ASIC2: variants seen among roughly 807,000 people sequenced by gnomAD.
ASIC2 encodes acid sensing ion channel subunit 2.
Under a neutral mutation model 57.3 loss-of-function variants are expected in ASIC2, and 25 were observed. The observed-to-expected ratio is 0.44, with a 90% CI of 0.32 to 0.61. ASIC2 has a LOEUF of 0.61. ASIC2 is among the 20% of genes least tolerant of loss of function. The pLI is 0.06. For missense variants in ASIC2, 641 were observed against 738.1 expected (o/e 0.87, Z 1.52); for synonymous variants, 319 against 307.5 (o/e 1.04, Z -0.39).
rs771624171 is a variant in ASIC2, at chr17:33,898,220, C to CTTTTTTTTTTTT, written c.555+257746_555+257757dup. On this transcript the variant is annotated intron_variant, in intron 1 of 9. Coordinates refer to the ASIC2 transcript ENST00000359872. ...AAACTGCCCAGAGTTCATGTATAATCTTTTTTTTTTTTTTTTTTTTTTTTT... is the reference window on the plus strand; with the variant it reads ...AAACTGCCCAGAGTTCATGTATAATCTTTTTTTTTTTTTTTTTTTTTTTTTTTTTTTTTTTTT... Among the ~76,000 whole-genome samples, 204 of 66,178 alleles carry CTTTTTTTTTTTT rather than the reference C, an allele frequency of 3.1e-3. 52 individuals are homozygous for CTTTTTTTTTTTT. The highest frequency in any genetic ancestry group is 3.7e-3 in the Non-Finnish European group (133 of 36,088). 43.4% of individuals were successfully genotyped at this position (66,178 alleles called of 152,430 possible).
chr17:33,053,287 A>G (rs1375883259), intron 3 of ASIC2, among the ~76,000 whole-genome samples: 1 of 152,238 alleles, frequency 6.6e-6, no homozygotes, highest in Non-Finnish European at 1.5e-5. Context: ...ACTACATAGC[A>G]CATTGCAATT....
intron 1 of ASIC2, among the ~76,000 whole-genome samples, chr17:33,196,675 A>G (rs2142073726): frequency 6.6e-6 from 1 of 152,368 alleles, no homozygotes; most frequent in African/African-American, 2.4e-5. Flanking sequence ...GCCTCATGTC[A>G]GGAACAGCTC....
In ASIC2 at chr17:33,592,671, G is replaced by A. The variant is rs971667466; in HGVS notation, c.556-480604C>T. On this transcript the variant is annotated intron_variant, in intron 1 of 9. Coordinates refer to the ASIC2 transcript ENST00000359872. ...ATGGGTGTAGATAGGACTGGACTGC[G>A]AGCAGGAAATCTCTACCCCGGACCA... Among the ~76,000 whole-genome samples, 4 of 152,194 alleles carry A rather than the reference G, an allele frequency of 2.6e-5. No homozygotes were observed. In the South Asian group the frequency reaches 6.2e-4, roughly 24 times the overall value.
At chr17:33,920,025 T>C (rs1915674250) in intron 1 of ASIC2, among the ~76,000 whole-genome samples, 1 of 152,154 alleles carries the variant, frequency 6.6e-6, no homozygotes, top group Admixed American at 6.5e-5. Flanking sequence ...AAACAACAGA[T>C]GCTGGTGAAG....
chr17:33,186,581 T>C (rs909945898), intron 1 of ASIC2, among the ~76,000 whole-genome samples: 2 of 152,194 alleles, frequency 1.3e-5, no homozygotes, highest in African/African-American at 4.8e-5. Flanking sequence ...CAGAGACAAC[T>C]TGCAACATCA....
At chr17:34,106,103 T>C (rs1315882173) in intron 1 of ASIC2, among the ~76,000 whole-genome samples, 1 of 152,058 alleles carries the variant, frequency 6.6e-6, no homozygotes, top group Non-Finnish European at 1.5e-5. Flanking sequence ...TTTTGAAAAA[T>C]ACAGCCCTAC....
intron 1 of ASIC2, among the ~76,000 whole-genome samples, chr17:34,112,722 T>C (rs1022132627): frequency 1.3e-5 from 2 of 151,966 alleles, no homozygotes; most frequent in African/African-American, 4.8e-5. Context: ...GGCTGGGTAG[T>C]GATGCTCCCT....
chr17:33,071,314 A>T (rs551136091), intron 3 of ASIC2, among the ~76,000 whole-genome samples: 2 of 152,132 alleles, frequency 1.3e-5, no homozygotes, highest in Non-Finnish European at 2.9e-5. Flanking sequence ...ATTTCATTTC[A>T]ATCTCCTCAA....
At chr17:33,391,838 C>A (rs1289853111) in intron 1 of ASIC2, among the ~76,000 whole-genome samples, 1 of 152,176 alleles carries the variant, frequency 6.6e-6, no homozygotes, top group Admixed American at 6.5e-5. Flanking sequence ...CTTATTTAAT[C>A]CTTCCAAGAA....
chr17:34,099,102 AAGAGAGAGAGAGAGAGAG>A (rs74200841), intron 1 of ASIC2, among the ~76,000 whole-genome samples: 1 of 81,186 alleles, frequency 1.2e-5, no homozygotes, highest in East Asian at 3.4e-4. Context: ...TAAGAGAGAA[AAGAGAGAGAGAGAGAGAG>A]AGAGAGAGAG....
chr17:33,017,795 C>CGCCATT, intron 7 of ASIC2, 111 bp from the exon 8 acceptor site: 1 of 981,888 alleles, frequency 1.0e-6, no homozygotes. Context: ...CCATGGGGAG[C>CGCCATT]CTGGGCCTTG....
intron 1 of ASIC2, among the ~76,000 whole-genome samples, chr17:34,133,764 C>T (rs1212212683): frequency 6.6e-6 from 1 of 152,204 alleles, no homozygotes; most frequent in Admixed American, 6.5e-5. Flanking sequence ...AACTAAGTGA[C>T]ATAGGGGTTT....
At chr17:33,552,296 G>T (rs1472876031) in intron 1 of ASIC2, among the ~76,000 whole-genome samples, 1 of 152,216 alleles carries the variant, frequency 6.6e-6, no homozygotes, top group Non-Finnish European at 1.5e-5. Flanking sequence ...GCTGAGTGGG[G>T]CTGGGCCAGC....
rs188083169 is a variant in ASIC2 at position 33,902,290 on chromosome 17, C to G, written c.555+253688G>C. Among the ~76,000 whole-genome samples, 5 of 152,266 alleles carry G rather than the reference C, an allele frequency of 3.3e-5. No individual in the cohort carries two copies. In the East Asian group the frequency reaches 7.7e-4, roughly 24 times the overall value. On this transcript the variant is annotated intron_variant, in intron 1 of 9. Coordinates refer to the ASIC2 transcript ENST00000359872. ...ATAAATCCCTTTCCCTTGAACTACC[C>G]AGAGTTGTTTCTATTAAGTGCAACT...
chr17:33,456,302 G>A (rs1008556005), intron 1 of ASIC2, among the ~76,000 whole-genome samples: 5 of 151,696 alleles, frequency 3.3e-5, no homozygotes, highest in Non-Finnish European at 7.4e-5. Flanking sequence ...TGTCTTCCTG[G>A]GGCTTATAAA....
intron 1 of ASIC2, among the ~76,000 whole-genome samples, chr17:33,746,156 A>G (rs1472392275): frequency 6.6e-6 from 1 of 151,846 alleles, no homozygotes; most frequent in Non-Finnish European, 1.5e-5. Context: ...GAAAAAGAGA[A>G]TATGAAGACA....
chr17:33,371,198 G>A (rs1234445186), intron 1 of ASIC2, among the ~76,000 whole-genome samples: 1 of 152,112 alleles, frequency 6.6e-6, no homozygotes, highest in African/African-American at 2.4e-5. Flanking sequence ...CCTGAGTCTG[G>A]GTCTGTTTAG....
intron 1 of ASIC2, among the ~76,000 whole-genome samples, chr17:34,134,211 G>A (rs1912068886): frequency 6.6e-6 from 1 of 152,164 alleles, no homozygotes; most frequent in Non-Finnish European, 1.5e-5. Flanking sequence ...GTTGGCATCA[G>A]AGGTTTGGGG....
chr17:33,942,213 G>C lies in ASIC2; in HGVS notation c.555+213765C>G, dbSNP rs375495595. ...ATGCCTGAAAGCCCCTGGAGAGCTG[G>C]GGAATCCAAGTGTCACAGTCACAGC... On this transcript the variant is annotated intron_variant, in intron 1 of 9. Coordinates refer to the ASIC2 transcript ENST00000359872. Among the ~76,000 whole-genome samples, 92 of 152,216 alleles carry C rather than the reference G, an allele frequency of 6.0e-4. No individual in the cohort carries two copies. In the East Asian group the frequency reaches 0.014, roughly 23 times the overall value.
Sources: gnomAD v4.1 joint callset for allele counts (sites outside exome capture counted in the v4.1 genomes callset) on GRCh38, gnomAD v4.1.1 for gene constraint, MANE v1.5 for transcripts, NCBI Gene and HGNC (gene_info 2026-07-23, HGNC 2026-07-21) for gene names.